NMU: variants seen among roughly 807,000 people sequenced by gnomAD.
The protein encoded by NMU is neuromedin-U.
In NMU, 29 loss-of-function variants were observed where a neutral mutation model predicts 35.4. The observed-to-expected ratio is 0.82, with a 90% CI of 0.61 to 1.12. The LOEUF is 1.12. Ranked by LOEUF, NMU falls within the 50% of genes most tolerant of loss-of-function variation. The probability of loss-of-function intolerance (pLI) is 0.00; values close to 1 mark genes in which losing one functional copy is unlikely to be tolerated. For synonymous variants in NMU, 78 were observed against 81.3 expected, an observed-to-expected ratio of 0.96 and a Z score of 0.22; for missense variants, 199 against 206.2, an observed-to-expected ratio of 0.97 and a Z score of 0.21.
rs1028525214 is a variant in NMU at position 55,603,968 on chromosome 4, C to T, written c.435+1307G>A. Among the ~76,000 whole-genome samples the T allele has an allele frequency of 5.5e-5, 3 of 54,858 alleles. 1 individual carries two copies. The highest frequency in any genetic ancestry group is 3.7e-4 in the Admixed American group (2 of 5,416). The allele number at this position is 54,858 out of a possible 152,430, so 36.0% of individuals were successfully genotyped here. On this transcript the variant is annotated intron_variant, in intron 7 of 9. Transcript: ENST00000264218. The stretch of plus-strand genomic sequence containing the variant: ...ATATGTATATATGTGTATATATATA[C>T]GTATATATGTATATATGTGTATATA...
chr4:55,612,323 C>A (rs1733963028), intron 3 of NMU, among the ~76,000 whole-genome samples: 1 of 152,114 alleles, frequency 6.6e-6, no homozygotes, highest in South Asian at 2.1e-4. Context: ...TTGCTTGAGC[C>A]CAGGAGTTCG....
Position 55,604,679 on chromosome 4 carries a change from ATTTTTTTTT to A in NMU, c.435+587_435+595del, listed in dbSNP as rs767568542. Among the ~76,000 whole-genome samples, 13 of 47,614 alleles carry A rather than the reference ATTTTTTTTT, an allele frequency of 2.7e-4. No individual in the cohort carries two copies. In the East Asian group the frequency reaches 5.3e-3, roughly 20 times the overall value. The allele number at this position is 47,614 out of a possible 152,430, so 31.2% of individuals were successfully genotyped here. On this transcript the variant is annotated intron_variant, in intron 7 of 9. Transcript: ENST00000264218. ...AGGCATGCGCCAATATGCCTGGCTA[ATTTTTTTTT>A]TTTTTTTTTTTTTTTTGTATTTTTA...
intron 2 of NMU, among the ~76,000 whole-genome samples, chr4:55,617,622 G>A (rs1259606364): frequency 6.6e-6 from 1 of 150,810 alleles, no homozygotes; most frequent in African/African-American, 2.5e-5. Context: ...TTAAACTTGT[G>A]GGGGGGAAAA....
chr4:55,625,438 A>G (rs960199759), intron 2 of NMU, among the ~76,000 whole-genome samples: 1 of 152,176 alleles, frequency 6.6e-6, no homozygotes, highest in Admixed American at 6.5e-5. Context: ...TATTTCTAGC[A>G]TGTACCTAGA....
chr4:55,636,411 C>A, upstream of NMU: 1 of 623,292 alleles, frequency 1.6e-6, no homozygotes, highest in East Asian at 3.6e-5. The surrounding 1 kb of genome is among the most constrained non-coding windows in gnomAD (Gnocchi z 4.0). Context: ...CTCGCCTCAC[C>A]CCGCCCCGCT....
intron 7 of NMU, 139 bp downstream of exon 7, chr4:55,605,136 G>A (rs1375741200): frequency 9.6e-6 from 7 of 726,244 alleles, no homozygotes; most frequent in African/African-American, 5.2e-5. Flanking sequence ...ACAAACAGAT[G>A]CTCTTACATT....
At chr4:55,622,028 G>A (rs1734369907) in intron 2 of NMU, among the ~76,000 whole-genome samples, 1 of 107,760 alleles carries the variant, frequency 9.3e-6, no homozygotes, top group African/African-American at 3.7e-5. Flanking sequence ...TGTGTAGAGG[G>A]AAATTTATAG....
At chr4:55,613,202 A>G (rs1271461240) in intron 3 of NMU, among the ~76,000 whole-genome samples, 1 of 152,210 alleles carries the variant, frequency 6.6e-6, no homozygotes. Flanking sequence ...CCTATTTAGT[A>G]CTATGCTTAT....
chr4:55,605,855 A>G (rs17725110), intron 6 of NMU, among the ~76,000 whole-genome samples: 23,645 of 152,262 alleles, frequency 0.16, 2,184 homozygotes, highest in South Asian at 0.24. Context: ...ATGTGTGAAA[A>G]TGACAATGTG....
intron 1 of NMU, among the ~76,000 whole-genome samples, chr4:55,632,429 T>C (rs1294189124): frequency 1.3e-5 from 2 of 148,148 alleles, no homozygotes; most frequent in Admixed American, 1.3e-4. Flanking sequence ...AAATAACTTA[T>C]AAAGGTCATG....
At chr4:55,614,991 C>T (rs1734062397) in intron 3 of NMU, among the ~76,000 whole-genome samples, 1 of 152,158 alleles carries the variant, frequency 6.6e-6, no homozygotes, top group South Asian at 2.1e-4. Flanking sequence ...AGAAATACAA[C>T]ACTATACAAG....
intron 3 of NMU, among the ~76,000 whole-genome samples, chr4:55,613,077 C>T (rs1488243461): frequency 6.6e-6 from 1 of 152,114 alleles, no homozygotes; most frequent in Non-Finnish European, 1.5e-5. Context: ...ACCACACGTT[C>T]TCACTTATAA....
At chr4:55,613,388 T>G (rs1734008525) in intron 3 of NMU, among the ~76,000 whole-genome samples, 1 of 152,136 alleles carries the variant, frequency 6.6e-6, no homozygotes, top group Admixed American at 6.5e-5. Context: ...ATAGGAAGAT[T>G]TGGAGCAAAG....
chr4:55,597,309 T>C (rs1201312132), intron 9 of NMU, among the ~76,000 whole-genome samples: 1 of 151,772 alleles, frequency 6.6e-6, no homozygotes, highest in Non-Finnish European at 1.5e-5. Context: ...TTTTTGAGGG[T>C]ATATTGTGGG....
intron 7 of NMU, among the ~76,000 whole-genome samples, chr4:55,602,462 T>A (rs1215124476): frequency 6.6e-6 from 1 of 152,196 alleles, no homozygotes; most frequent in Non-Finnish European, 1.5e-5. Flanking sequence ...AAAATATAGA[T>A]GGTATCACTG....
intron 7 of NMU, 117 bp downstream of exon 7, chr4:55,605,158 T>A: frequency 1.3e-6 from 1 of 781,170 alleles, no homozygotes; most frequent in South Asian, 1.4e-5. Context: ...GCTAACTGGG[T>A]ATTAGTGTGG....
chr4:55,595,583 CAT>C (rs1733140375), intron 9 of NMU, among the ~76,000 whole-genome samples, 172 bp from the exon 10 acceptor site: 7 of 143,078 alleles, frequency 4.9e-5, no homozygotes, highest in South Asian at 2.2e-4. Context: ...CACACACACA[CAT>C]GCACACAGAC....
At chr4:55,626,831 C>T (rs903268481) in intron 2 of NMU, among the ~76,000 whole-genome samples, 3 of 152,142 alleles carry the variant, frequency 2.0e-5, no homozygotes, top group African/African-American at 4.8e-5. Flanking sequence ...TTTGGCCTTA[C>T]GATTTATATT....
At chr4:55,605,378 A>G (rs2110188905) in intron 6 of NMU, 29 bp from the exon 7 acceptor site, 1 of 1,540,168 alleles carries the variant, frequency 6.5e-7, no homozygotes, top group East Asian at 2.2e-5. Context: ...ACACGTGAAT[A>G]AGTGCATGGC....
Sources: gnomAD v4.1 joint callset for allele counts (sites outside exome capture counted in the v4.1 genomes callset) on GRCh38, gnomAD v4.1.1 for gene constraint, Gnocchi (gnomAD v3.1) non-coding constraint, MANE v1.5 for transcripts, NCBI Gene and HGNC (gene_info 2026-07-23, HGNC 2026-07-21) for gene names.